Variants in TCF12 observed in about 807,000 individuals in gnomAD.
TCF12 encodes the protein transcription factor 12, also known as DNA-binding protein HTF4.
TCF12 carries 45 observed loss-of-function variants against 86.0 expected under a neutral mutation model. The observed-to-expected ratio is 0.52, with a 90% CI of 0.41 to 0.67. The LOEUF (loss-of-function observed/expected upper bound fraction) is 0.67. Among genes scored for constraint, TCF12 ranks in the 30% least tolerant of loss-of-function variants. The pLI, the probability that TCF12 is intolerant of heterozygous loss-of-function variation, is 0.00. For missense variants in TCF12, 881 were observed against 859.9 expected (o/e 1.02, Z -0.31); for synonymous variants, 330 against 299.6 (o/e 1.10, Z -1.05).
intron 4 of TCF12, among the ~76,000 whole-genome samples, chr15:57,083,672 A>G (rs1366858299): frequency 3.3e-5 from 5 of 152,000 alleles, no homozygotes; most frequent in African/African-American, 1.2e-4. Flanking sequence ...GCAGCCCCCA[A>G]CTCCTGGGCT....
chr15:57,160,382 A>T (rs2151506265), intron 5 of TCF12, among the ~76,000 whole-genome samples: 1 of 152,310 alleles, frequency 6.6e-6, no homozygotes, highest in South Asian at 2.1e-4. Context: ...CATCATAAGG[A>T]CAGCATGGAG....
chr15:57,008,144 T>C lies in TCF12; in HGVS notation c.149-55606T>C, dbSNP rs563890809. On this transcript the variant is annotated intron_variant, in intron 3 of 20. Coordinates refer to ENST00000333725, the MANE Select transcript of TCF12 (RefSeq NM_207037.2). ...CCTGGCTGATTTCTTTTTTTTTTTTTCCCTGTAGAGATGAGGTCTCACTTT... is the reference window on the plus strand; with the variant it reads ...CCTGGCTGATTTCTTTTTTTTTTTTCCCCTGTAGAGATGAGGTCTCACTTT... Among the ~76,000 whole-genome samples, 43 of 150,372 alleles carry C rather than the reference T, an allele frequency of 2.9e-4. No individual in the cohort carries two copies. The Middle Eastern group carries it at 0.014, about 48-fold the overall frequency.
chr15:56,964,850 A>G (rs1567175076), intron 3 of TCF12, among the ~76,000 whole-genome samples: 1 of 152,214 alleles, frequency 6.6e-6, no homozygotes, highest in Non-Finnish European at 1.5e-5. Flanking sequence ...TCATATTCAA[A>G]TAATAGATCA....
intron 3 of TCF12, among the ~76,000 whole-genome samples, chr15:57,045,375 A>AAAAGAGTTG (rs2067164853): frequency 2.0e-5 from 3 of 152,304 alleles, no homozygotes; most frequent in African/African-American, 7.2e-5. Flanking sequence ...TGAAAGTAGG[A>AAAAGAGTTG]AAAGAGTTGA....
At chr15:56,961,185 C>T (rs2061736522) in intron 3 of TCF12, among the ~76,000 whole-genome samples, 1 of 151,308 alleles carries the variant, frequency 6.6e-6, no homozygotes, top group Admixed American at 6.6e-5. Flanking sequence ...GCTAGCTAGA[C>T]ACTGTGCTGA....
chr15:57,037,264 CA>C (rs1372218771), intron 3 of TCF12, among the ~76,000 whole-genome samples: 1 of 152,048 alleles, frequency 6.6e-6, no homozygotes, highest in African/African-American at 2.4e-5. Flanking sequence ...GCCTGGACAA[CA>C]TGGTGAAACC....
At chr15:57,223,656 T>TTTTTTTTTTTG (rs1566940836) in intron 8 of TCF12, among the ~76,000 whole-genome samples, 1 of 104,108 alleles carries the variant, frequency 9.6e-6, no homozygotes, top group Non-Finnish European at 2.3e-5. Flanking sequence ...TTTTTTTTTT[T>TTTTTTTTTTTG]TTTTTTTTTT....
chr15:57,103,820 C>T (rs2049926933), intron 5 of TCF12, among the ~76,000 whole-genome samples: 1 of 152,096 alleles, frequency 6.6e-6, no homozygotes, highest in African/African-American at 2.4e-5. Context: ...GCCTGGCTAA[C>T]ATGGTAAAAC....
At position 56,948,361 on chromosome 15, in the gene TCF12, G is replaced by C. The variant is rs183317898; in HGVS notation, c.148+27263G>C. Among the ~76,000 whole-genome samples the C allele has an allele frequency of 3.9e-5, 6 of 152,280 alleles. No individual in the cohort carries two copies. In the East Asian group the frequency reaches 1.2e-3, roughly 29 times the overall value. ...TTTACAGAAAAGCCTGCATAAGGTT[G>C]CTCTGATGTCATAATGATCGGAAAA... On this transcript the variant is annotated intron_variant, in intron 3 of 20. Transcript: ENST00000333725.
chr15:57,143,161 CAA>C (rs34722160), intron 5 of TCF12, among the ~76,000 whole-genome samples: 157 of 116,686 alleles, frequency 1.3e-3, no homozygotes, highest in Middle Eastern at 4.5e-3. Flanking sequence ...CCCCCCCCAC[CAA>C]AAAAAAAAAA....
chr15:56,950,826 G>A (rs776950209), intron 3 of TCF12, among the ~76,000 whole-genome samples: 47 of 136,016 alleles, frequency 3.5e-4, no homozygotes, highest in Non-Finnish European at 6.1e-4. Flanking sequence ...GCGTGATCTC[G>A]GCTTACCACA....
intron 13 of TCF12, among the ~76,000 whole-genome samples, chr15:57,248,266 A>G (rs142606134): frequency 6.6e-6 from 1 of 152,334 alleles, no homozygotes; most frequent in East Asian, 1.9e-4. Context: ...CCCTGGGGCT[A>G]AGAATAGAAT....
chr15:57,164,409 G>T (rs1448214404), intron 5 of TCF12, among the ~76,000 whole-genome samples: 1 of 152,150 alleles, frequency 6.6e-6, no homozygotes, highest in Non-Finnish European at 1.5e-5. Context: ...ATGGCAGAAG[G>T]GGAAGCAAAA....
intron 5 of TCF12, among the ~76,000 whole-genome samples, chr15:57,116,145 C>G (rs1214315258): frequency 6.6e-6 from 1 of 152,138 alleles, no homozygotes; most frequent in Non-Finnish European, 1.5e-5. Flanking sequence ...TTACTTGACA[C>G]TATCAGTAGT....
rs533481442 is a variant in TCF12, at chr15:56,946,408, T to C, written c.148+25310T>C. Among the ~76,000 whole-genome samples, 70 of 152,268 alleles carry C rather than the reference T, an allele frequency of 4.6e-4. 2 individuals are homozygous for C. In the South Asian group the frequency reaches 0.014, roughly 31 times the overall value. On this transcript the variant is annotated intron_variant, in intron 3 of 20. Coordinates refer to ENST00000333725, the MANE Select transcript of TCF12 (RefSeq NM_207037.2). Reference sequence around the variant, plus strand: ...CCAATAAACTTTTCATTTCACAGAGTGTATTTTTTTATTTCTAGAAACTCT... The same window carrying C: ...CCAATAAACTTTTCATTTCACAGAGCGTATTTTTTTATTTCTAGAAACTCT...
intron 3 of TCF12, among the ~76,000 whole-genome samples, chr15:56,964,274 T>G (rs887098904): frequency 5.3e-5 from 8 of 152,222 alleles, no homozygotes; most frequent in African/African-American, 1.9e-4. Flanking sequence ...TGCTTCTAAT[T>G]TTAAGAGTAG....
Position 56,948,066 on chromosome 15 carries a change from G to A in TCF12, c.148+26968G>A, listed in dbSNP as rs866157670. Among the ~76,000 whole-genome samples the A allele has an allele frequency of 3.3e-5, 5 of 152,154 alleles. No homozygotes were observed. In the Middle Eastern group the frequency reaches 0.014, roughly 414 times the overall value. On this transcript the variant is annotated intron_variant, in intron 3 of 20. Transcript: ENST00000333725. ...TCACTTTTGTAAGGGTTATTAATAA[G>A]CTTCATTTATAAGGATTTTGTGAAG...
At chr15:56,995,096 C>G (rs1365876665) in intron 3 of TCF12, among the ~76,000 whole-genome samples, 1 of 151,866 alleles carries the variant, frequency 6.6e-6, no homozygotes, top group African/African-American at 2.4e-5. Flanking sequence ...ATGTTATAAT[C>G]CCTAGAGCCA....
chr15:56,930,337 G>A (rs1417669057), intron 3 of TCF12, among the ~76,000 whole-genome samples: 1 of 152,212 alleles, frequency 6.6e-6, no homozygotes, highest in Non-Finnish European at 1.5e-5. Flanking sequence ...TTTGACCACA[G>A]GTCAGTTTAG....
Sources: gnomAD v4.1 joint callset for allele counts (sites outside exome capture counted in the v4.1 genomes callset) on GRCh38, gnomAD v4.1.1 for gene constraint, MANE v1.5 for transcripts, NCBI Gene and HGNC (gene_info 2026-07-23, HGNC 2026-07-21) for gene names.